RASEF: variants seen among roughly 807,000 people sequenced by gnomAD.
The protein encoded by RASEF is RAS and EF-hand domain containing, also known as ras and EF-hand domain-containing protein.
In RASEF, 68 loss-of-function variants were observed where a neutral mutation model predicts 90.1. That is an observed-to-expected ratio of 0.75 (90% confidence interval 0.62 to 0.92). The LOEUF is 0.92. Ranked by LOEUF, RASEF falls within the 40% of genes least tolerant of loss-of-function variation. RASEF has a pLI of 0.00. For synonymous variants in RASEF, 331 were observed against 345.2 expected, an observed-to-expected ratio of 0.96 and a Z score of 0.46; for missense variants, 949 against 937.2, an observed-to-expected ratio of 1.01 and a Z score of -0.16.
chr9:83,034,997 C>T (rs1829714257), intron 1 of RASEF, among the ~76,000 whole-genome samples: 1 of 152,116 alleles, frequency 6.6e-6, no homozygotes, highest in South Asian at 2.1e-4. Flanking sequence ...ATGGTTGTCT[C>T]CTGTCCATGT....
chr9:83,089,444 T>C, the RASEF span, among the ~76,000 whole-genome samples: 86,905 of 152,038 alleles, frequency 0.57, 25,585 homozygotes, highest in East Asian at 0.78. Context: ...TAAAAAGCCC[T>C]TTTAGTGTTT....
At chr9:83,083,573 C>G in the RASEF span, among the ~76,000 whole-genome samples, 1 of 151,892 alleles carries the variant, frequency 6.6e-6, no homozygotes, top group Non-Finnish European at 1.5e-5. Context: ...ACAAAAGAGG[C>G]AAAAAACCCA....
chr9:83,194,153 T>C, the RASEF span, among the ~76,000 whole-genome samples: 1 of 152,220 alleles, frequency 6.6e-6, no homozygotes, highest in African/African-American at 2.4e-5. Flanking sequence ...AACTCCATAC[T>C]GTATTCAGAT....
intron 1 of RASEF, among the ~76,000 whole-genome samples, chr9:83,032,147 T>C (rs1829658557): frequency 6.6e-6 from 1 of 152,142 alleles, no homozygotes; most frequent in African/African-American, 2.4e-5. Context: ...AGATAATTTT[T>C]GTTCCCTCAC....
At chr9:83,042,486 A>G (rs1294750041) in intron 1 of RASEF, among the ~76,000 whole-genome samples, 1 of 152,232 alleles carries the variant, frequency 6.6e-6, no homozygotes, top group East Asian at 1.9e-4. Flanking sequence ...TGTATTCAAA[A>G]TAATATAACT....
At chr9:83,178,382 A>G in the RASEF span, among the ~76,000 whole-genome samples, 826 of 152,210 alleles carry the variant, frequency 5.4e-3, 6 homozygotes, top group African/African-American at 0.019. Context: ...CCATAGTTTC[A>G]CTATTCCAGC....
upstream of RASEF, among the ~76,000 whole-genome samples, chr9:83,067,546 C>A (rs542220141): frequency 1.3e-5 from 2 of 152,224 alleles, no homozygotes; most frequent in South Asian, 4.2e-4. Flanking sequence ...GCTGAACTTC[C>A]CCTTTGACTG....
intron 1 of RASEF, among the ~76,000 whole-genome samples, chr9:83,057,518 A>C (rs1430294902): frequency 6.6e-6 from 1 of 152,206 alleles, no homozygotes; most frequent in Admixed American, 6.5e-5. Flanking sequence ...CAGTTAGAAA[A>C]CAAGGAGATA....
At chr9:83,065,877 G>C (rs577450500), upstream of RASEF, among the ~76,000 whole-genome samples, 1 of 152,146 alleles carries the variant, frequency 6.6e-6, no homozygotes, top group African/African-American at 2.4e-5. Flanking sequence ...GATGCTCCTG[G>C]CCTCTAGTAG....
At chr9:83,004,352 T>G in intron 9 of RASEF, 146 bp downstream of exon 9, 1 of 554,518 alleles carries the variant, frequency 1.8e-6, no homozygotes, top group Non-Finnish European at 3.2e-6. Flanking sequence ...TTTACATGAT[T>G]CATGTTTCAG....
intron 6 of RASEF, among the ~76,000 whole-genome samples, chr9:83,009,238 T>G (rs916272554): frequency 3.3e-5 from 5 of 152,010 alleles, no homozygotes; most frequent in Non-Finnish European, 1.5e-5. Context: ...TGTATGTGTA[T>G]TAGGTTTTAT....
the RASEF span, among the ~76,000 whole-genome samples, chr9:83,195,732 G>A: frequency 9.9e-5 from 15 of 152,112 alleles, no homozygotes; most frequent in Non-Finnish European, 2.1e-4. Context: ...GCTCGGGAGA[G>A]TGCCTGGGAG....
chr9:83,020,133 T>A (rs1829415128), intron 3 of RASEF, among the ~76,000 whole-genome samples: 1 of 152,066 alleles, frequency 6.6e-6, no homozygotes, highest in Admixed American at 6.6e-5. Flanking sequence ...CTAACTGAAG[T>A]AATGCAATAT....
chr9:83,143,270 A>T, the RASEF span, among the ~76,000 whole-genome samples: 1 of 152,226 alleles, frequency 6.6e-6, no homozygotes, highest in Non-Finnish European at 1.5e-5. Context: ...ACAGCAGAAG[A>T]AATTATCAAC....
At chr9:83,182,636 A>G in the RASEF span, among the ~76,000 whole-genome samples, 10 of 152,366 alleles carry the variant, frequency 6.6e-5, no homozygotes, top group South Asian at 2.1e-3. Flanking sequence ...ACTTAGACAA[A>G]TATATCCAAA....
chr9:83,020,574 A>G (rs572253644), intron 3 of RASEF, among the ~76,000 whole-genome samples: 1 of 152,310 alleles, frequency 6.6e-6, no homozygotes, highest in South Asian at 2.1e-4. Context: ...GACCACATGT[A>G]TGTGGTGACT....
chr9:83,094,152 A>AAAATTT, the RASEF span, among the ~76,000 whole-genome samples: 1 of 151,786 alleles, frequency 6.6e-6, no homozygotes, highest in African/African-American at 2.4e-5. Context: ...CTATCATGAG[A>AAAATTT]TGCCATTCCT....
At chr9:83,179,281 C>T in the RASEF span, among the ~76,000 whole-genome samples, 2 of 152,104 alleles carry the variant, frequency 1.3e-5, no homozygotes, top group Admixed American at 6.6e-5. Context: ...ACCTACCATA[C>T]TTGAGAACAC....
chr9:83,058,172 CTTTTTTTTTTTTTTTT>C (rs555842009), intron 1 of RASEF, among the ~76,000 whole-genome samples: 1 of 57,888 alleles, frequency 1.7e-5, no homozygotes, highest in African/African-American at 6.9e-5. Context: ...GTATTTATGT[CTTTTTTTTTTTTTTTT>C]TTTTTTTTTT....
Sources: gnomAD v4.1 joint callset for allele counts (sites outside exome capture counted in the v4.1 genomes callset) on GRCh38, gnomAD v4.1.1 for gene constraint, MANE v1.5 for transcripts, NCBI Gene and HGNC (gene_info 2026-07-23, HGNC 2026-07-21) for gene names.